KCNN2: variants seen among roughly 807,000 people sequenced by gnomAD.
KCNN2 encodes small conductance calcium-activated potassium channel protein 2.
In KCNN2, 24 loss-of-function variants were observed where a neutral mutation model predicts 55.5. The ratio of observed to expected loss-of-function variants is 0.43; its 90% CI spans 0.31 to 0.61. The LOEUF (loss-of-function observed/expected upper bound fraction) is 0.61. Among genes scored for constraint, KCNN2 ranks in the 20% least tolerant of loss-of-function variants. The pLI, the probability that KCNN2 is intolerant of heterozygous loss-of-function variation, is 0.08. For missense variants in KCNN2, 754 were observed against 853.6 expected (o/e 0.88, Z 1.45); for synonymous variants, 431 against 336.1 (o/e 1.28, Z -3.09).
chr5:114,348,637 T>A (rs538265240), intron 2 of KCNN2, among the ~76,000 whole-genome samples: 48 of 152,264 alleles, frequency 3.2e-4, no homozygotes, highest in Non-Finnish European at 4.3e-4. Context: ...CTAAAATTCC[T>A]ATTAGGACAT....
At chr5:114,438,299 T>A (rs774880910) in intron 3 of KCNN2, among the ~76,000 whole-genome samples, 1 of 152,192 alleles carries the variant, frequency 6.6e-6, no homozygotes, top group Non-Finnish European at 1.5e-5. Context: ...TCGGTTTGGA[T>A]GAACTGCTCT....
At chr5:114,457,541 C>T (rs1310126369) in intron 3 of KCNN2, among the ~76,000 whole-genome samples, 4 of 152,132 alleles carry the variant, frequency 2.6e-5, no homozygotes, top group African/African-American at 9.7e-5. Context: ...CCTATGTTAT[C>T]ACAGTCTTTC....
intron 4 of KCNN2, among the ~76,000 whole-genome samples, chr5:114,467,446 G>GTGTT (rs1175495319): frequency 3.3e-5 from 5 of 152,276 alleles, no homozygotes; most frequent in African/African-American, 1.2e-4. Flanking sequence ...TTGACATTGG[G>GTGTT]TGTTTAATTT....
intron 2 of KCNN2, among the ~76,000 whole-genome samples, chr5:114,271,271 C>T (rs1395746048): frequency 1.3e-5 from 2 of 152,046 alleles, no homozygotes; most frequent in Admixed American, 6.6e-5. Flanking sequence ...TCTCCAGGTC[C>T]CCACCCGATT....
At chr5:114,485,489 A>AGGATCAGAT (rs1433471519) in intron 5 of KCNN2, among the ~76,000 whole-genome samples, 1 of 152,212 alleles carries the variant, frequency 6.6e-6, no homozygotes, top group African/African-American at 2.4e-5. Flanking sequence ...AAAGGACATG[A>AGGATCAGAT]GGATCAGATG....
At chr5:114,163,084 C>T (rs771947702) in intron 1 of KCNN2, among the ~76,000 whole-genome samples, 8 of 152,188 alleles carry the variant, frequency 5.3e-5, no homozygotes, top group Non-Finnish European at 1.0e-4. Context: ...CACCCGTCTT[C>T]TGCGTCGCTC....
At chr5:114,277,429 C>T (rs116242558) in intron 2 of KCNN2, among the ~76,000 whole-genome samples, 7,458 of 152,180 alleles carry the variant, frequency 0.049, 227 homozygotes, top group South Asian at 0.068. Context: ...TCCTGAAGAG[C>T]GTTTTCTAAG....
intron 3 of KCNN2, among the ~76,000 whole-genome samples, chr5:114,451,458 G>A (rs1014306554): frequency 3.3e-5 from 5 of 152,166 alleles, no homozygotes; most frequent in African/African-American, 1.2e-4. Flanking sequence ...CACAGGGAGA[G>A]AGAAAAGGGG....
intron 1 of KCNN2, among the ~76,000 whole-genome samples, chr5:114,161,881 G>A (rs909397243): frequency 6.6e-6 from 1 of 152,118 alleles, no homozygotes; most frequent in African/African-American, 2.4e-5. Context: ...CTCTGCATTG[G>A]TTATTCTAGT....
intron 1 of KCNN2, among the ~76,000 whole-genome samples, chr5:114,190,300 TAGAA>T (rs1402370063): frequency 6.6e-6 from 1 of 152,008 alleles, no homozygotes; most frequent in African/African-American, 2.4e-5. Flanking sequence ...TAACCAAAAA[TAGAA>T]AGCAACCTAA....
intron 1 of KCNN2, among the ~76,000 whole-genome samples, chr5:114,183,264 T>G (rs1032074061): frequency 2.9e-4 from 44 of 152,220 alleles, no homozygotes; most frequent in African/African-American, 8.9e-4. Context: ...TATGCTAATA[T>G]CTTAAAGACT....
At chr5:114,322,214 G>GA (rs1756627644) in intron 2 of KCNN2, among the ~76,000 whole-genome samples, 1 of 152,254 alleles carries the variant, frequency 6.6e-6, no homozygotes, top group South Asian at 2.1e-4. Context: ...TCCTCAACCA[G>GA]AAAATGACAG....
At chr5:114,400,196 G>A (rs957070219) in intron 2 of KCNN2, among the ~76,000 whole-genome samples, 2 of 151,960 alleles carry the variant, frequency 1.3e-5, no homozygotes, top group Non-Finnish European at 2.9e-5. Flanking sequence ...GTTTCCCTAG[G>A]TTGATGTTAG....
chr5:114,104,399 G>A (rs1751436698), intron 1 of KCNN2, among the ~76,000 whole-genome samples: 1 of 151,870 alleles, frequency 6.6e-6, no homozygotes, highest in Non-Finnish European at 1.5e-5. Flanking sequence ...ATTTTTTGAA[G>A]GGTCTTTCAT....
chr5:114,122,032 C>T (rs1441409536), intron 1 of KCNN2, among the ~76,000 whole-genome samples: 2 of 152,170 alleles, frequency 1.3e-5, no homozygotes, highest in Non-Finnish European at 2.9e-5. Context: ...CATTTTTGTG[C>T]ATCCTCTGAG....
chr5:114,364,392 A>G (rs1333656022), intron 2 of KCNN2, among the ~76,000 whole-genome samples: 1 of 152,170 alleles, frequency 6.6e-6, no homozygotes, highest in Non-Finnish European at 1.5e-5. Context: ...GGGAGATTGT[A>G]TCTATCTATA....
chr5:114,204,874 C>T (rs1380907495), intron 1 of KCNN2, among the ~76,000 whole-genome samples: 1 of 152,160 alleles, frequency 6.6e-6, no homozygotes, highest in Non-Finnish European at 1.5e-5. Flanking sequence ...TATAACATGT[C>T]CTTATTAATA....
intron 1 of KCNN2, among the ~76,000 whole-genome samples, chr5:114,065,163 A>G (rs1215637431): frequency 6.6e-6 from 1 of 152,186 alleles, no homozygotes; most frequent in Non-Finnish European, 1.5e-5. Flanking sequence ...TGCACTTGAT[A>G]TTTGGATTGC....
intron 3 of KCNN2, among the ~76,000 whole-genome samples, chr5:114,456,107 A>G (rs1435984983): frequency 2.0e-5 from 3 of 152,324 alleles, no homozygotes; most frequent in East Asian, 1.9e-4. Context: ...TATTGGAAAA[A>G]TATGTCATCT....
Sources: gnomAD v4.1 joint callset for allele counts (sites outside exome capture counted in the v4.1 genomes callset) on GRCh38, gnomAD v4.1.1 for gene constraint, MANE v1.5 for transcripts, NCBI Gene and HGNC (gene_info 2026-07-23, HGNC 2026-07-21) for gene names.